The following NTM variants were observed in gnomAD, a reference collection of about 807,000 sequenced individuals.
NTM encodes the protein neurotrimin.
NTM carries 13 observed loss-of-function variants against 42.1 expected under a neutral mutation model. The ratio of observed to expected loss-of-function variants is 0.31; its 90% CI spans 0.20 to 0.49. The LOEUF (loss-of-function observed/expected upper bound fraction) is 0.49, where lower values mean the gene tolerates loss of function less well. Among genes scored for constraint, NTM ranks in the 20% least tolerant of loss-of-function variants. The pLI, the probability that NTM is intolerant of heterozygous loss-of-function variation, is 0.99. For missense variants in NTM, 373 were observed against 452.8 expected (o/e 0.82, Z 1.60); for synonymous variants, 187 against 179.2 (o/e 1.04, Z -0.35).
intron 4 of NTM, among the ~76,000 whole-genome samples, chr11:132,241,969 A>G (rs951116075): frequency 1.3e-5 from 2 of 152,236 alleles, no homozygotes; most frequent in East Asian, 3.8e-4. Flanking sequence ...CTCTGAGGCA[A>G]ATTACTGTGA....
intron 7 of NTM, among the ~76,000 whole-genome samples, chr11:132,318,019 G>C (rs1002525419): frequency 6.6e-6 from 1 of 152,220 alleles, no homozygotes; most frequent in African/African-American, 2.4e-5. Context: ...AACTGACTGA[G>C]CAGTTTTCAT....
intron 1 of NTM, among the ~76,000 whole-genome samples, chr11:131,759,545 C>G (rs1241246037): frequency 6.6e-6 from 1 of 152,006 alleles, no homozygotes; most frequent in East Asian, 1.9e-4. Flanking sequence ...GGAGAACACA[C>G]TAATATTTGT....
chr11:131,808,138 T>C (rs2092590231), intron 1 of NTM, among the ~76,000 whole-genome samples: 1 of 152,224 alleles, frequency 6.6e-6, no homozygotes, highest in Non-Finnish European at 1.5e-5. Context: ...CTCACTTTAC[T>C]TATCTTTGAA....
chr11:131,498,273 G>T (rs1461844832), intron 1 of NTM, among the ~76,000 whole-genome samples: 2 of 152,174 alleles, frequency 1.3e-5, no homozygotes, highest in African/African-American at 4.8e-5. Flanking sequence ...AGACAGAACT[G>T]AGCTTTAGTT....
Position 132,146,802 on chromosome 11 carries a change from A to T in NTM, c.400+288A>T. 2.5e-6 allele frequency: 1 copy of T among 393,810 alleles called. No homozygotes were observed. Among genetic ancestry groups the T allele is most frequent in the Non-Finnish European group, 4.5e-6 (1 of 222,976 alleles). 24.4% of individuals were successfully genotyped at this position (393,810 alleles called of 1,614,324 possible). Reference sequence around the variant, plus strand: ...TTGGCTTTTTTCTCCCCTAAGTTTTAGTTATTTTTGTTTGTTTGTTTTTTG... The same window carrying T: ...TTGGCTTTTTTCTCCCCTAAGTTTTTGTTATTTTTGTTTGTTTGTTTTTTG... On this transcript the variant is annotated intron_variant, in intron 3 of 8. Transcript: ENST00000683400. The surrounding 1 kb of genome is among the most constrained non-coding windows in gnomAD (Gnocchi z 4.5).
intron 1 of NTM, among the ~76,000 whole-genome samples, chr11:131,493,792 T>C (rs1450658529): frequency 1.3e-5 from 2 of 152,198 alleles, no homozygotes; most frequent in Non-Finnish European, 2.9e-5. Flanking sequence ...CCTATTCCTT[T>C]ACCCAGAAAC....
chr11:131,543,051 A>G (rs543580609), intron 1 of NTM, among the ~76,000 whole-genome samples: 2 of 152,292 alleles, frequency 1.3e-5, no homozygotes, highest in Non-Finnish European at 2.9e-5. Context: ...GCTGCCTCCC[A>G]GGGAGCTGAG....
At chr11:131,434,861 G>A (rs533366236) in intron 1 of NTM, among the ~76,000 whole-genome samples, 15 of 152,228 alleles carry the variant, frequency 9.9e-5, no homozygotes, top group African/African-American at 2.4e-4. Context: ...TGAAGTCCTC[G>A]CCCATGCCTA....
intron 2 of NTM, among the ~76,000 whole-genome samples, chr11:131,969,718 A>AT (rs775116294): frequency 2.0e-5 from 3 of 152,242 alleles, no homozygotes; most frequent in Non-Finnish European, 4.4e-5. Flanking sequence ...ATAGCTATAA[A>AT]TTTTGACAAT....
intron 2 of NTM, chr11:131,981,512 A>C (rs890561209): frequency 1.3e-5 from 2 of 152,198 alleles, no homozygotes; most frequent in African/African-American, 4.8e-5. Context: ...TGATTAAAAT[A>C]AAGCACTTTT....
At chr11:131,805,328 C>T (rs2092419975) in intron 1 of NTM, among the ~76,000 whole-genome samples, 1 of 152,152 alleles carries the variant, frequency 6.6e-6, no homozygotes. Flanking sequence ...ATTATGGATT[C>T]ACCAGAATTC....
intron 1 of NTM, among the ~76,000 whole-genome samples, chr11:131,464,294 C>A (rs1173799577): frequency 1.3e-5 from 2 of 151,948 alleles, no homozygotes; most frequent in Non-Finnish European, 2.9e-5. Flanking sequence ...TTTAGAAGAC[C>A]GGAGAATGAT....
At chr11:132,330,123 T>G (rs2095771309) in intron 7 of NTM, 30 bp from the exon 8 acceptor site, 1 of 1,551,662 alleles carries the variant, frequency 6.4e-7, no homozygotes, top group Non-Finnish European at 8.7e-7. Context: ...CTTTCGACCT[T>G]AACAGTGGCT....
At chr11:132,122,986 G>A (rs550668059) in intron 2 of NTM, among the ~76,000 whole-genome samples, 6 of 152,182 alleles carry the variant, frequency 3.9e-5, no homozygotes, top group South Asian at 2.1e-4. Flanking sequence ...CTCCTTCCTC[G>A]CCACGTTGAA....
intron 2 of NTM, among the ~76,000 whole-genome samples, chr11:132,052,172 C>T (rs1386648944): frequency 1.3e-5 from 2 of 152,064 alleles, no homozygotes; most frequent in Non-Finnish European, 2.9e-5. Flanking sequence ...GATATTTATC[C>T]CAAGGAGGGA....
chr11:131,672,362 AG>A (rs1178658056), intron 1 of NTM, among the ~76,000 whole-genome samples: 1 of 152,200 alleles, frequency 6.6e-6, no homozygotes, highest in Non-Finnish European at 1.5e-5. Flanking sequence ...CCTCCTTTGA[AG>A]GCACCGCACC....
At chr11:131,487,192 C>G (rs1489312202) in intron 1 of NTM, among the ~76,000 whole-genome samples, 2 of 152,186 alleles carry the variant, frequency 1.3e-5, no homozygotes, top group Non-Finnish European at 2.9e-5. Context: ...AGTCTCTTCT[C>G]CATTCAAAGC....
chr11:132,281,172 G>A (rs555303487), intron 4 of NTM, among the ~76,000 whole-genome samples: 1 of 152,286 alleles, frequency 6.6e-6, no homozygotes, highest in East Asian at 1.9e-4. Flanking sequence ...GAATGACCTT[G>A]GGTGTGACCA....
At chr11:131,913,639 C>G (rs1022006090) in intron 2 of NTM, among the ~76,000 whole-genome samples, 4 of 152,154 alleles carry the variant, frequency 2.6e-5, no homozygotes, top group Admixed American at 6.5e-5. Context: ...CTCTCTCTTT[C>G]AGCACTAATG....
Sources: gnomAD v4.1 joint callset for allele counts (sites outside exome capture counted in the v4.1 genomes callset) on GRCh38, gnomAD v4.1.1 for gene constraint, Gnocchi (gnomAD v3.1) non-coding constraint, MANE v1.5 for transcripts, NCBI Gene and HGNC (gene_info 2026-07-23, HGNC 2026-07-21) for gene names.